The following SYT16 variants were observed in gnomAD, a reference collection of about 807,000 sequenced individuals.
The protein encoded by SYT16 is synaptotagmin 16, also known as synaptotagmin-16.
SYT16 carries 42 observed loss-of-function variants against 61.4 expected under a neutral mutation model. The ratio of observed to expected loss-of-function variants is 0.68; its 90% CI spans 0.53 to 0.89. The LOEUF (loss-of-function observed/expected upper bound fraction) is 0.89, where lower values mean the gene tolerates loss of function less well. Among genes scored for constraint, SYT16 ranks in the 40% least tolerant of loss-of-function variants. The pLI is 0.00. For synonymous variants in SYT16, 314 were observed against 302.3 expected, an observed-to-expected ratio of 1.04 and a Z score of -0.40; for missense variants, 804 against 807.3, an observed-to-expected ratio of 1.00 and a Z score of 0.05.
chr14:62,047,163 G>C (rs2055030989), intron 3 of SYT16, among the ~76,000 whole-genome samples: 1 of 152,138 alleles, frequency 6.6e-6, no homozygotes, highest in African/African-American at 2.4e-5. Flanking sequence ...GCAGTGGTTT[G>C]TAGTTCTCCT....
intron 3 of SYT16, among the ~76,000 whole-genome samples, chr14:62,055,164 C>A (rs1167157789): frequency 6.6e-6 from 1 of 152,184 alleles, no homozygotes; most frequent in Non-Finnish European, 1.5e-5. Context: ...ATTATCAGGT[C>A]ACCTCAGTTC....
intron 1 of SYT16, among the ~76,000 whole-genome samples, chr14:61,939,635 C>T (rs1471656093): frequency 6.6e-6 from 1 of 152,082 alleles, no homozygotes; most frequent in African/African-American, 2.4e-5. Context: ...GGATCTGGGC[C>T]CACTTTTAAG....
At chr14:61,954,823 C>T (rs1035692931) in intron 1 of SYT16, among the ~76,000 whole-genome samples, 1 of 152,072 alleles carries the variant, frequency 6.6e-6, no homozygotes, top group East Asian at 1.9e-4. Context: ...GACTACAATT[C>T]TCATGACCTA....
At chr14:61,831,750 C>A in intron 1 of SYT16, 3 of 162,522 alleles carry the variant, frequency 1.8e-5, no homozygotes, top group Admixed American at 6.3e-5. Flanking sequence ...TTCAGGTAAA[C>A]TGGTCATTTA....
chr14:61,898,135 T>C (rs1247855670), intron 1 of SYT16, among the ~76,000 whole-genome samples: 1 of 152,208 alleles, frequency 6.6e-6, no homozygotes, highest in East Asian at 1.9e-4. Flanking sequence ...AATGTGCCAA[T>C]TCTTAGCTTC....
intron 3 of SYT16, among the ~76,000 whole-genome samples, chr14:62,054,306 TGA>T (rs1316752999): frequency 8.1e-6 from 1 of 123,458 alleles, no homozygotes; most frequent in African/African-American, 5.2e-5. Flanking sequence ...ACAGATTGTA[TGA>T]TTTTTTTTTT....
intron 1 of SYT16, among the ~76,000 whole-genome samples, chr14:61,863,982 AC>A (rs2047047977): frequency 6.6e-6 from 1 of 152,160 alleles, no homozygotes; most frequent in Non-Finnish European, 1.5e-5. Context: ...TTATTCTTTC[AC>A]CAATGCTACA....
chr14:61,918,297 T>A (rs557946693), intron 1 of SYT16, among the ~76,000 whole-genome samples: 1 of 152,258 alleles, frequency 6.6e-6, no homozygotes, highest in South Asian at 2.1e-4. Flanking sequence ...ATTAATCATA[T>A]GGGCGGAAAT....
At position 62,108,090 on chromosome 14, in the gene SYT16, A is replaced by G. The variant is rs1301822062; in HGVS notation, c.*7383A>G. On this transcript the variant is annotated 3_prime_UTR_variant, in exon 8 of 8. Transcript: ENST00000683842. ...TCTGTGACTAAAACTAGTCTTAAAA[A>G]CTGAATACATTTGGGGCATCCTTAT... The G allele has an allele frequency of 6.6e-6, 1 of 152,210 alleles. No individual in the cohort carries two copies. Among genetic ancestry groups the G allele is most frequent in the Non-Finnish European group, 1.5e-5 (1 of 68,034 alleles). 9.4% of individuals were successfully genotyped at this position (152,210 alleles called of 1,614,324 possible).
rs200195044 is a variant in SYT16 at position 61,953,717 on chromosome 14, TTCCTTA to T, written c.-324-16410_-324-16405del. Among the ~76,000 whole-genome samples, 1,407 of 152,330 alleles carry T rather than the reference TTCCTTA, an allele frequency of 9.2e-3. 23 individuals carry two copies. The highest frequency in any genetic ancestry group is 0.032 in the African/African-American group (1,336 of 41,580). ...CTAATGCTATACCTTTGATTGTCAC[TTCCTTA>T]TCCTGGGACTGAAGGAGTCTGGGCT... On this transcript the variant is annotated intron_variant, in intron 1 of 7. Transcript: ENST00000683842.
Position 62,100,921 on chromosome 14 carries a change from A to G in SYT16, c.*214A>G. 1 of 528,808 alleles carries G rather than the reference A, an allele frequency of 1.9e-6. No individual in the cohort carries two copies. Among genetic ancestry groups the G allele is most frequent in the Non-Finnish European group, 3.3e-6 (1 of 299,802 alleles). The allele number at this position is 528,808 out of a possible 1,614,324, so 32.8% of individuals were successfully genotyped here. On this transcript the variant is annotated 3_prime_UTR_variant, in exon 8 of 8. Coordinates refer to ENST00000683842, the MANE Select transcript of SYT16 (RefSeq NM_001367656.1). The stretch of plus-strand genomic sequence containing the variant: ...CACACATACACAGTGAAGTGTCCGT[A>G]TGGAAAATATTATACCACAATTAAG...
intron 3 of SYT16, among the ~76,000 whole-genome samples, chr14:62,066,419 G>GT (rs2056063944): frequency 6.6e-6 from 1 of 152,238 alleles, no homozygotes; most frequent in African/African-American, 2.4e-5. Context: ...TAAAGGTTTT[G>GT]TGTGTCGGGC....
At chr14:62,043,477 A>G (rs117605481) in intron 3 of SYT16, among the ~76,000 whole-genome samples, 13,481 of 142,016 alleles carry the variant, frequency 0.095, 825 homozygotes, top group Middle Eastern at 0.19. Context: ...GTGTGATCTC[A>G]GCACACTGCA....
chr14:61,833,970 ATTTTTT>A lies in SYT16; in HGVS notation c.-325+21175_-325+21180del, dbSNP rs544826072. ...GTGGATTGCTGAAGCTCTGGCTTTG[ATTTTTT>A]TTTTTTTTTTTTTTAAATTTTGGAA... On this transcript the variant is annotated intron_variant, in intron 1 of 7. Coordinates refer to ENST00000683842, the MANE Select transcript of SYT16 (RefSeq NM_001367656.1). Among the ~76,000 whole-genome samples, 10 of 117,304 alleles carry A rather than the reference ATTTTTT, an allele frequency of 8.5e-5. No homozygotes were observed. In the South Asian group the frequency reaches 1.1e-3, roughly 12 times the overall value. The allele number at this position is 117,304 out of a possible 152,430, so 77.0% of individuals were successfully genotyped here.
chr14:62,011,061 A>G (rs1397565430), intron 3 of SYT16, among the ~76,000 whole-genome samples: 4 of 152,216 alleles, frequency 2.6e-5, no homozygotes, highest in African/African-American at 9.6e-5. Context: ...ATAAAGTGAC[A>G]TAGAGGCAAT....
intron 1 of SYT16, among the ~76,000 whole-genome samples, chr14:61,911,084 T>C (rs971333333): frequency 6.6e-6 from 1 of 152,252 alleles, no homozygotes; most frequent in African/African-American, 2.4e-5. Flanking sequence ...GGTAGCACTT[T>C]GAATTTACAC....
intron 3 of SYT16, among the ~76,000 whole-genome samples, chr14:62,056,349 C>T (rs1171377159): frequency 2.6e-5 from 4 of 152,122 alleles, no homozygotes; most frequent in Admixed American, 2.0e-4. Context: ...CGCACTTCTA[C>T]ACCAAGGAAT....
intron 3 of SYT16, among the ~76,000 whole-genome samples, chr14:62,060,154 T>C (rs2055763537): frequency 6.6e-6 from 1 of 152,098 alleles, no homozygotes; most frequent in Admixed American, 6.5e-5. Flanking sequence ...TGACAAAAAA[T>C]ATCTGTTTGG....
At chr14:61,895,294 C>T (rs1344862332) in intron 1 of SYT16, among the ~76,000 whole-genome samples, 1 of 152,138 alleles carries the variant, frequency 6.6e-6, no homozygotes, top group Non-Finnish European at 1.5e-5. Context: ...AATGCTGAAT[C>T]CCTCTGGCTT....
Sources: allele counts gnomAD v4.1 joint callset (sites outside exome capture counted in the v4.1 genomes callset), GRCh38; gene constraint gnomAD v4.1.1; transcripts MANE v1.5; gene names NCBI Gene and HGNC (gene_info 2026-07-23, HGNC 2026-07-21).